SRRM4: variants seen among roughly 807,000 people sequenced by gnomAD.
SRRM4 encodes serine/arginine repetitive matrix 4, also known as serine/arginine repetitive matrix protein 4.
SRRM4 carries 33 observed loss-of-function variants against 68.9 expected under a neutral mutation model. The observed-to-expected ratio is 0.48, with a 90% CI of 0.36 to 0.64. SRRM4 has a LOEUF of 0.64. Ranked by LOEUF, SRRM4 falls within the 30% of genes least tolerant of loss-of-function variation. The probability of loss-of-function intolerance (pLI) is 0.00; values close to 1 mark genes in which losing one functional copy is unlikely to be tolerated. For missense variants in SRRM4, 817 were observed against 827.1 expected, an observed-to-expected ratio of 0.99 and a Z score of 0.15; for synonymous variants, 318 against 318.8, an observed-to-expected ratio of 1.00 and a Z score of 0.03.
chr12:119,162,533 G>C lies in SRRM4; in HGVS notation c.*5735G>C, dbSNP rs1208570061. 1 of 152,220 alleles carries C rather than the reference G, an allele frequency of 6.6e-6. No homozygotes were observed. Among genetic ancestry groups the C allele is most frequent in the Non-Finnish European group, 1.5e-5 (1 of 68,044 alleles). 9.4% of individuals were successfully genotyped at this position (152,220 alleles called of 1,614,324 possible). On this transcript the variant is annotated 3_prime_UTR_variant, in exon 13 of 13. Transcript: ENST00000267260. ...GGAGAAAACTGAGGCTCAGGAGGGG[G>C]AGTTGACATGCCCAAGCTCCCTTGA...
chr12:119,110,695 A>T (rs1954136975), intron 2 of SRRM4, among the ~76,000 whole-genome samples: 1 of 152,084 alleles, frequency 6.6e-6, no homozygotes, highest in Non-Finnish European at 1.5e-5. Flanking sequence ...TTAGGGTGGG[A>T]GTGTCCCGAT....
At chr12:119,120,514 G>A (rs1018272758) in intron 5 of SRRM4, among the ~76,000 whole-genome samples, 3 of 109,386 alleles carry the variant, frequency 2.7e-5, no homozygotes, top group African/African-American at 1.2e-4. Context: ...TCGATGTCTC[G>A]ACCCCAGAAT....
rs1284108276 is a variant in SRRM4 at position 119,159,762 on chromosome 12, T to C, written c.*2964T>C. 2.0e-5 allele frequency: 3 copies of C among 152,110 alleles called. No homozygotes were observed. The East Asian group carries it at 5.8e-4, about 29-fold the overall frequency. 9.4% of individuals were successfully genotyped at this position (152,110 alleles called of 1,614,324 possible). ...TCTCTGTCCCCTGAGATCTGAAGGC[T>C]ACCTTGGGAAGAGGCATCAGCCATC... On this transcript the variant is annotated 3_prime_UTR_variant, in exon 13 of 13. Transcript: ENST00000267260.
intron 2 of SRRM4, among the ~76,000 whole-genome samples, chr12:119,110,136 C>T (rs1462740213): frequency 6.6e-6 from 1 of 152,226 alleles, no homozygotes; most frequent in Non-Finnish European, 1.5e-5. Flanking sequence ...GGCTGCAGAA[C>T]AGCAAATATT....
chr12:119,045,616 G>A lies in SRRM4; in HGVS notation c.132-56620G>A, dbSNP rs957835179. Among the ~76,000 whole-genome samples the A allele has an allele frequency of 1.1e-4, 17 of 152,144 alleles. No individual in the cohort carries two copies. The Middle Eastern group carries it at 0.017, about 152-fold the overall frequency. On this transcript the variant is annotated intron_variant, in intron 1 of 12. Transcript: ENST00000267260. ...CCTGGCTAGATTTGTCTCTAATGCC[G>A]ATTCCAGGGACCTGTAATTTTCATC...
chr12:119,144,276 A>G (rs574948096), intron 8 of SRRM4, among the ~76,000 whole-genome samples: 95 of 152,260 alleles, frequency 6.2e-4, no homozygotes, highest in African/African-American at 2.2e-3. Flanking sequence ...TGCCACTGGC[A>G]TGTTCCACAA....
At chr12:118,989,557 C>T (rs577379713) in intron 1 of SRRM4, among the ~76,000 whole-genome samples, 1 of 145,924 alleles carries the variant, frequency 6.9e-6, no homozygotes, top group Non-Finnish European at 1.5e-5. Flanking sequence ...TCCAGCCCCC[C>T]ACTCCATTTG....
Position 119,151,150 on chromosome 12 carries a change from T to C in SRRM4, c.1210T>C (p.Ser404Pro), listed in dbSNP as rs1954436733. Residue 404 changes from serine (S) to proline (P), a missense_variant, in exon 10 of 13, where the codon TCG becomes CCG. Coordinates refer to ENST00000267260, the MANE Select transcript of SRRM4 (RefSeq NM_194286.4). ...SYASTRSSSH[S>P]SRSPNPRASP... ...TGCCAGCACCCGATCCTCCAGTCACTCGTCCCGATCCCCAAATCCCAGGGC... is the reference window on the plus strand; with the variant it reads ...TGCCAGCACCCGATCCTCCAGTCACCCGTCCCGATCCCCAAATCCCAGGGC... The C allele has an allele frequency of 6.2e-7, 1 of 1,613,916 alleles. No individual in the cohort carries two copies. The highest frequency in any genetic ancestry group is 8.5e-7 in the Non-Finnish European group (1 of 1,179,854).
chr12:119,056,942 T>C (rs1449992202), intron 1 of SRRM4, among the ~76,000 whole-genome samples: 4 of 152,208 alleles, frequency 2.6e-5, no homozygotes, highest in African/African-American at 9.7e-5. Context: ...TCTTGGAATC[T>C]TTCTGGCAGT....
chr12:119,000,532 C>G (rs899947464), intron 1 of SRRM4, among the ~76,000 whole-genome samples: 9 of 152,132 alleles, frequency 5.9e-5, no homozygotes, highest in Admixed American at 5.9e-4. Context: ...TTCTTGGTCT[C>G]CATTTAGGCA....
At chr12:119,125,778 G>A (rs1207087159) in intron 7 of SRRM4, among the ~76,000 whole-genome samples, 1 of 151,884 alleles carries the variant, frequency 6.6e-6, no homozygotes, top group Non-Finnish European at 1.5e-5. Context: ...AAAATTAGCT[G>A]GGCGTAGTGG....
chr12:119,096,935 T>G (rs1954049180), intron 1 of SRRM4, among the ~76,000 whole-genome samples: 1 of 152,110 alleles, frequency 6.6e-6, no homozygotes, highest in Non-Finnish European at 1.5e-5. Flanking sequence ...ATCGGAGCCT[T>G]GGAATCTGCC....
At chr12:119,122,872 G>A (rs999563424) in intron 6 of SRRM4, among the ~76,000 whole-genome samples, 3 of 152,198 alleles carry the variant, frequency 2.0e-5, no homozygotes, top group Admixed American at 6.5e-5. Context: ...GATTTACAGT[G>A]TGGAGATGTC....
At chr12:119,130,001 ATGGATGG>A (rs1379223694) in intron 7 of SRRM4, among the ~76,000 whole-genome samples, 2 of 151,200 alleles carry the variant, frequency 1.3e-5, no homozygotes, top group African/African-American at 4.9e-5. Flanking sequence ...GGATGGATGG[ATGGATGG>A]ATGAATGCAT....
chr12:119,086,359 G>A (rs1453874850), intron 1 of SRRM4, among the ~76,000 whole-genome samples: 1 of 152,168 alleles, frequency 6.6e-6, no homozygotes, highest in Non-Finnish European at 1.5e-5. Context: ...CTTCCATCCT[G>A]TTCCCAACCC....
At chr12:119,131,135 C>T (rs867269663) in intron 8 of SRRM4, among the ~76,000 whole-genome samples, 5 of 152,010 alleles carry the variant, frequency 3.3e-5, no homozygotes, top group African/African-American at 1.2e-4. Context: ...GTTTAAGATA[C>T]CATAGGAGGA....
intron 1 of SRRM4, among the ~76,000 whole-genome samples, chr12:119,099,241 T>A (rs184250910): frequency 0.041 from 6,225 of 152,226 alleles, 196 homozygotes; most frequent in East Asian, 0.096. Context: ...TTCAAGCGAT[T>A]CTCCTGCCTC....
At chr12:119,071,088 A>G (rs1953875296) in intron 1 of SRRM4, among the ~76,000 whole-genome samples, 1 of 152,196 alleles carries the variant, frequency 6.6e-6, no homozygotes, top group Admixed American at 6.5e-5. Flanking sequence ...GATATGATCA[A>G]TCACTTACAT....
intron 2 of SRRM4, among the ~76,000 whole-genome samples, chr12:119,105,809 G>A (rs531778385): frequency 1.3e-5 from 2 of 152,284 alleles, no homozygotes; most frequent in South Asian, 4.1e-4. Context: ...TTGCTGTGCA[G>A]AAGCTCTTTA....
Sources: allele counts gnomAD v4.1 joint callset (sites outside exome capture counted in the v4.1 genomes callset), GRCh38; gene constraint gnomAD v4.1.1; transcripts MANE v1.5; gene names NCBI Gene and HGNC (gene_info 2026-07-23, HGNC 2026-07-21).